The following THADA variants were observed in gnomAD, a reference collection of about 807,000 sequenced individuals.
The protein encoded by THADA is tRNA (32-2'-O)-methyltransferase regulator THADA.
A neutral mutation model predicts 219.8 loss-of-function variants in THADA; 213 were observed. That is an observed-to-expected ratio of 0.97 (90% CI 0.87 to 1.09). THADA has a LOEUF of 1.09. THADA is among the 50% of genes least tolerant of loss of function. THADA has a pLI of 0.00. For synonymous variants in THADA, 1,018 were observed against 828.9 expected, an observed-to-expected ratio of 1.23 and a Z score of -3.92; for missense variants, 2,956 against 2,311.3, an observed-to-expected ratio of 1.28 and a Z score of -5.72.
intron 26 of THADA, among the ~76,000 whole-genome samples, chr2:43,483,534 A>C (rs1573878345): frequency 6.6e-6 from 1 of 152,174 alleles, no homozygotes. Context: ...CATTCTTCAC[A>C]GTTAAAAACT....
intron 29 of THADA, among the ~76,000 whole-genome samples, chr2:43,355,551 G>C (rs1485906625): frequency 6.6e-6 from 1 of 152,070 alleles, no homozygotes; most frequent in African/African-American, 2.4e-5. Flanking sequence ...TGACCTTCTG[G>C]TGTGACAGCC....
chr2:43,280,831 G>C (rs1424515596), intron 35 of THADA, among the ~76,000 whole-genome samples: 1 of 152,194 alleles, frequency 6.6e-6, no homozygotes, highest in African/African-American at 2.4e-5. Context: ...ATCTTGTCCT[G>C]AGCAATCAAA....
intron 26 of THADA, among the ~76,000 whole-genome samples, chr2:43,480,710 C>A (rs1348111595): frequency 6.6e-6 from 1 of 151,122 alleles, no homozygotes; most frequent in Non-Finnish European, 1.5e-5. Context: ...CCCAGCTACT[C>A]GGGAGGCTGA....
chr2:43,473,863 C>A lies in THADA; in HGVS notation c.3836+11371G>T, dbSNP rs979816519. Among the ~76,000 whole-genome samples, 12 of 152,180 alleles carry A rather than the reference C, an allele frequency of 7.9e-5. 1 individual carries two copies. Among genetic ancestry groups the A allele is most frequent in the African/African-American group, 2.9e-4 (12 of 41,444 alleles). Reference sequence around the variant, plus strand: ...ACCTCAGGTGATCCATCTGCCTCGGCCTCCCAGATTACAGGGATTACGGGT... The same window carrying A: ...ACCTCAGGTGATCCATCTGCCTCGGACTCCCAGATTACAGGGATTACGGGT... On this transcript the variant is annotated intron_variant, in intron 26 of 37. Coordinates refer to ENST00000405975, the MANE Select transcript of THADA (RefSeq NM_022065.5).
rs564117010 is a variant in THADA, at chr2:43,353,822, A to ATTTTTTTTTT, written c.4228-9595_4228-9586dup. Among the ~76,000 whole-genome samples the ATTTTTTTTTT allele has an allele frequency of 2.5e-3, 341 of 139,064 alleles. 4 individuals carry two copies. The highest frequency in any genetic ancestry group is 4.6e-3 in the African/African-American group (169 of 36,456). 91.2% of individuals were successfully genotyped at this position (139,064 alleles called of 152,430 possible). On this transcript the variant is annotated intron_variant, in intron 29 of 37. Coordinates refer to ENST00000405975, the MANE Select transcript of THADA (RefSeq NM_022065.5). ...AGGCATGGGCCACCAAGCTCAGCTAATTTTTTTTTTTTTGAGATGTAGTCT... is the reference window on the plus strand; with the variant it reads ...AGGCATGGGCCACCAAGCTCAGCTAATTTTTTTTTTTTTTTTTTTTTTTGAGATGTAGTCT...
intron 17 of THADA, among the ~76,000 whole-genome samples, chr2:43,553,353 A>G (rs1036745137): frequency 3.3e-5 from 5 of 152,156 alleles, no homozygotes; most frequent in Non-Finnish European, 5.9e-5. Context: ...TCGAAGATGG[A>G]GACCTTGGAA....
At chr2:43,398,612 A>G (rs1485512163) in intron 28 of THADA, among the ~76,000 whole-genome samples, 4 of 152,216 alleles carry the variant, frequency 2.6e-5, no homozygotes, top group Non-Finnish European at 5.9e-5. Flanking sequence ...TGACATTATG[A>G]CTATAGAAAC....
At chr2:43,580,006 T>C (rs1163859327) in intron 8 of THADA, among the ~76,000 whole-genome samples, 1 of 149,948 alleles carries the variant, frequency 6.7e-6, no homozygotes, top group Non-Finnish European at 1.5e-5. Context: ...CATCAACTTT[T>C]CGGAAAAAAA....
chr2:43,512,622 C>A (rs7570748), intron 22 of THADA, among the ~76,000 whole-genome samples: 21,243 of 152,174 alleles, frequency 0.14, 1,949 homozygotes, highest in African/African-American at 0.26. Context: ...CCTGCCTCAG[C>A]CTCCTGAGTA....
chr2:43,576,659 T>C (rs565040309), intron 10 of THADA, among the ~76,000 whole-genome samples: 2 of 152,282 alleles, frequency 1.3e-5, no homozygotes, highest in African/African-American at 4.8e-5. Flanking sequence ...ATAATTTTAT[T>C]TATTTATTTT....
Position 43,423,797 on chromosome 2 carries a change from T to A in THADA, c.4058+4303A>T, listed in dbSNP as rs116574628. ...AGCTCTTTGACTGGAACTTGAAACT[T>A]GCTTGTGAAAGGGAACTCAGAGATG... On this transcript the variant is annotated intron_variant, in intron 28 of 37. Transcript: ENST00000405975. 4.9e-3 allele frequency among the ~76,000 whole-genome samples: 753 copies of A among 152,220 alleles called. 3 individuals carry two copies. Among genetic ancestry groups the A allele is most frequent in the African/African-American group, 0.017 (720 of 41,522 alleles).
At chr2:43,416,311 C>T (rs1308746106) in intron 28 of THADA, among the ~76,000 whole-genome samples, 10 of 152,146 alleles carry the variant, frequency 6.6e-5, no homozygotes, top group Non-Finnish European at 1.3e-4. Context: ...TCAACTTTTC[C>T]TGGGCTACCT....
At chr2:43,291,187 C>T (rs1200611180) in intron 34 of THADA, among the ~76,000 whole-genome samples, 2 of 151,948 alleles carry the variant, frequency 1.3e-5, no homozygotes, top group African/African-American at 2.4e-5. Context: ...CAGTGGCCCA[C>T]ATCTGTAATC....
rs540506015 is a variant in THADA at position 43,487,592 on chromosome 2, A to C, written c.3745-2267T>G. On this transcript the variant is annotated intron_variant, in intron 25 of 37. Transcript: ENST00000405975. ...TATGGTCTGAATATTTGTGTTCCCC[A>C]AAAATTCACATGTTGAAATTCTAAC... is the stretch of plus-strand genomic sequence containing the variant. Among the ~76,000 whole-genome samples, 152 of 152,306 alleles carry C rather than the reference A, an allele frequency of 1.0e-3. 1 individual carries two copies. The highest frequency in any genetic ancestry group is 6.8e-3 in the Middle Eastern group (2 of 294).
At chr2:43,390,431 T>C (rs1673225358) in intron 29 of THADA, among the ~76,000 whole-genome samples, 1 of 152,206 alleles carries the variant, frequency 6.6e-6, no homozygotes, top group African/African-American at 2.4e-5. Flanking sequence ...GAAGAAAATA[T>C]GTCTACCCTT....
At position 43,409,089 on chromosome 2, in the gene THADA, T is replaced by G. The variant is rs1316052788; in HGVS notation, c.4059-10950A>C. 2.6e-5 allele frequency among the ~76,000 whole-genome samples: 4 copies of G among 152,302 alleles called. 1 individual carries two copies. Among genetic ancestry groups the G allele is most frequent in the African/African-American group, 9.6e-5 (4 of 41,564 alleles). On this transcript the variant is annotated intron_variant, in intron 28 of 37. Transcript: ENST00000405975. Reference sequence around the variant, plus strand: ...TCTTCTCTAGAATCTCATTAATTATTTTGCATCTACAGAGGGTTAAATGAA... The same window carrying G: ...TCTTCTCTAGAATCTCATTAATTATGTTGCATCTACAGAGGGTTAAATGAA...
At chr2:43,444,472 T>A (rs537578755) in intron 26 of THADA, among the ~76,000 whole-genome samples, 2 of 152,340 alleles carry the variant, frequency 1.3e-5, no homozygotes, top group South Asian at 4.1e-4. Context: ...ATCTTGGTAA[T>A]GCCAAGGGTC....
chr2:43,241,738 G>A (rs923747099), intron 36 of THADA, among the ~76,000 whole-genome samples: 41 of 151,990 alleles, frequency 2.7e-4, no homozygotes, highest in African/African-American at 8.7e-4. Flanking sequence ...TACAGAAGGC[G>A]GATGCTTCCA....
chr2:43,482,751 A>C (rs1017289388), intron 26 of THADA, among the ~76,000 whole-genome samples: 15 of 152,214 alleles, frequency 9.9e-5, no homozygotes, highest in African/African-American at 3.6e-4. Flanking sequence ...GCACGGTCTT[A>C]AGAGCAAGAC....
Sources: allele counts gnomAD v4.1 joint callset (sites outside exome capture counted in the v4.1 genomes callset), GRCh38; gene constraint gnomAD v4.1.1; transcripts MANE v1.5; gene names NCBI Gene and HGNC (gene_info 2026-07-23, HGNC 2026-07-21).